NSMCE1: variants seen among roughly 807,000 people sequenced by gnomAD.
NSMCE1 encodes NSE1 component of SMC5/6 complex, also known as non-structural maintenance of chromosomes element 1 homolog.
NSMCE1 carries 18 observed loss-of-function variants against 29.6 expected under a neutral mutation model. The observed-to-expected ratio is 0.61, with a 90% confidence interval of 0.42 to 0.90. NSMCE1 has a LOEUF of 0.90. Among genes scored for constraint, NSMCE1 ranks in the 40% least tolerant of loss-of-function variants. The pLI is 0.00. For synonymous variants in NSMCE1, 124 were observed against 133.4 expected (o/e 0.93, Z 0.49); for missense variants, 314 against 343.6 (o/e 0.91, Z 0.68).
chr16:27,247,751 C>A (rs181532761), intron 2 of NSMCE1, among the ~76,000 whole-genome samples: 1 of 152,090 alleles, frequency 6.6e-6, no homozygotes, highest in East Asian at 1.9e-4. Flanking sequence ...ACAGTGAAAC[C>A]CCATCTCTAC....
chr16:27,225,986 C>T, intron 6 of NSMCE1, 140 bp from the exon 7 acceptor site: 1 of 996,502 alleles, frequency 1.0e-6, no homozygotes, highest in African/African-American at 1.6e-5. Flanking sequence ...GAAAATAATC[C>T]CAAACGCCTT....
chr16:27,246,981 T>G (rs1485183017), intron 2 of NSMCE1, among the ~76,000 whole-genome samples: 6 of 147,946 alleles, frequency 4.1e-5, no homozygotes, highest in Admixed American at 1.3e-4. Flanking sequence ...CTAGATCTAA[T>G]TAGGAGGAAG....
chr16:27,240,421 C>A (rs2083880747), intron 2 of NSMCE1, among the ~76,000 whole-genome samples: 1 of 152,156 alleles, frequency 6.6e-6, no homozygotes, highest in South Asian at 2.1e-4. Flanking sequence ...GCCCAGCATC[C>A]ATCATCCCCT....
At chr16:27,229,458 C>T (rs1054063657) in intron 5 of NSMCE1, among the ~76,000 whole-genome samples, 12 of 152,382 alleles carry the variant, frequency 7.9e-5, no homozygotes, top group African/African-American at 2.2e-4. Context: ...GGGCCCAGCA[C>T]TTGGCAGGCC....
intron 2 of NSMCE1, among the ~76,000 whole-genome samples, chr16:27,235,992 C>A (rs905732366): frequency 6.6e-6 from 1 of 152,232 alleles, no homozygotes; most frequent in African/African-American, 2.4e-5. Context: ...GAGAGGTGAA[C>A]TGACTCGCCC....
At chr16:27,231,604 TC>T (rs2083763001) in intron 5 of NSMCE1, among the ~76,000 whole-genome samples, 1 of 149,676 alleles carries the variant, frequency 6.7e-6, no homozygotes, top group South Asian at 2.1e-4. Flanking sequence ...ACCATTGCAC[TC>T]CAGCCTGGGC....
chr16:27,244,033 C>T (rs565804264), intron 2 of NSMCE1, among the ~76,000 whole-genome samples: 20 of 152,340 alleles, frequency 1.3e-4, no homozygotes, highest in South Asian at 6.2e-4. Flanking sequence ...TCACATAGGA[C>T]GCCCCACTTC....
Position 27,254,866 on chromosome 16 carries a change from CTTTTTTTTTT to C in NSMCE1, c.136+2559_136+2568del, listed in dbSNP as rs61088115. ...GGGGTAGGTTTAAAGTCCAACCATG[CTTTTTTTTTT>C]TTTTTTTTTTTTTTTTTTTTTGATA... On this transcript the variant is annotated intron_variant, in intron 2 of 7. Coordinates refer to ENST00000361439, the MANE Select transcript of NSMCE1 (RefSeq NM_145080.4). Among the ~76,000 whole-genome samples, 8 of 46,912 alleles carry C rather than the reference CTTTTTTTTTT, an allele frequency of 1.7e-4. No homozygotes were observed. In the Admixed American group the frequency reaches 2.4e-3, roughly 14 times the overall value. The allele number at this position is 46,912 out of a possible 152,430, so 30.8% of individuals were successfully genotyped here. A position where few individuals can be genotyped will look rare whatever the true frequency, so the allele number is the denominator to read the frequency against.
intron 5 of NSMCE1, among the ~76,000 whole-genome samples, chr16:27,231,923 G>A (rs943628058): frequency 2.0e-5 from 3 of 152,110 alleles, no homozygotes; most frequent in Admixed American, 6.5e-5. Flanking sequence ...CATGACATAC[G>A]GGAACGCGCC....
intron 1 of NSMCE1, among the ~76,000 whole-genome samples, chr16:27,260,410 G>A (rs1450590960): frequency 6.6e-6 from 1 of 151,862 alleles, no homozygotes; most frequent in East Asian, 1.9e-4. Flanking sequence ...GGGGAATAAT[G>A]TAATGAGAAA....
At chr16:27,246,630 C>G (rs938719795) in intron 2 of NSMCE1, among the ~76,000 whole-genome samples, 1 of 152,156 alleles carries the variant, frequency 6.6e-6, no homozygotes, top group Non-Finnish European at 1.5e-5. Flanking sequence ...CCTGTGATTA[C>G]AGGCTCATGC....
Position 27,226,926 on chromosome 16 carries a change from C to T in NSMCE1, c.484-90G>A. 7.3e-6 allele frequency: 6 copies of T among 819,784 alleles called. No individual in the cohort carries two copies. The South Asian group carries it at 9.0e-5, about 12-fold the overall frequency. 50.8% of individuals were successfully genotyped at this position (819,784 alleles called of 1,614,324 possible). A position where few individuals can be genotyped will look rare whatever the true frequency, so the allele number is the denominator to read the frequency against. ...CCCTCTGTGATCCCACAGCCCAGTGCTCAGGAAGACACAAGGGTCTACGCA... is the reference window on the plus strand; with the variant it reads ...CCCTCTGTGATCCCACAGCCCAGTGTTCAGGAAGACACAAGGGTCTACGCA... On this transcript the variant is annotated intron_variant, in intron 5 of 7. Transcript: ENST00000361439.
chr16:27,225,161 T>C lies in NSMCE1; in HGVS notation c.797A>G (p.His266Arg). Residue 266 changes from histidine (H) to arginine (R), a missense_variant, in exon 8 of 8, where the codon CAT (histidine) becomes CGT (arginine). His to Arg is a conservative substitution (Grantham distance 29, BLOSUM62 0). Coordinates refer to ENST00000361439, the MANE Select transcript of NSMCE1 (RefSeq NM_145080.4). ...SNKKSLRSRQH is the reference protein window; with the variant it reads ...SNKKSLRSRQR Reference sequence around the variant, plus strand: ...CCCCTCAGCAGGGCACGATGGCTAATGCTGCCTGGACCGCAGGGACTTTTT... The same window carrying C: ...CCCCTCAGCAGGGCACGATGGCTAACGCTGCCTGGACCGCAGGGACTTTTT... 1 of 1,595,336 alleles carries C rather than the reference T, an allele frequency of 6.3e-7. No homozygotes were observed. Among genetic ancestry groups the C allele is most frequent in the Admixed American group, 1.7e-5 (1 of 58,816 alleles).
intron 1 of NSMCE1, among the ~76,000 whole-genome samples, chr16:27,265,161 CTTTT>C (rs5816427): frequency 2.4e-5 from 2 of 82,670 alleles, no homozygotes; most frequent in Non-Finnish European, 4.4e-5. Context: ...AATTCTTTTC[CTTTT>C]TTTTTTTTTT....
At chr16:27,239,243 A>G (rs1242706234) in intron 2 of NSMCE1, among the ~76,000 whole-genome samples, 1 of 152,254 alleles carries the variant, frequency 6.6e-6, no homozygotes. Flanking sequence ...GATGTCCACT[A>G]AGCGCTAAGG....
At chr16:27,257,039 C>T (rs1375189480) in intron 2 of NSMCE1, among the ~76,000 whole-genome samples, 1 of 152,106 alleles carries the variant, frequency 6.6e-6, no homozygotes, top group East Asian at 1.9e-4. Flanking sequence ...CCATCAATAC[C>T]CCACTAGGCA....
intron 2 of NSMCE1, among the ~76,000 whole-genome samples, chr16:27,246,625 G>C (rs1221476678): frequency 6.6e-6 from 1 of 152,108 alleles, no homozygotes; most frequent in Non-Finnish European, 1.5e-5. Flanking sequence ...GAGTACCTGT[G>C]ATTACAGGCT....
At position 27,225,082 on chromosome 16, in the gene NSMCE1, G is replaced by A. The variant is rs2958; in HGVS notation, c.*75C>T. ...GTGACTCGCGTGGAACCTGAAACAC[G>A]GACGCCTTTCTTCCAAGAAGGGCTG... is the stretch of plus-strand genomic sequence containing the variant. On this transcript the variant is annotated 3_prime_UTR_variant, in exon 8 of 8. Coordinates refer to ENST00000361439, the MANE Select transcript of NSMCE1 (RefSeq NM_145080.4). 276,798 of 808,824 alleles carry A rather than the reference G, an allele frequency of 0.34. 48,852 individuals carry two copies. Among genetic ancestry groups the A allele is most frequent in the East Asian group, 0.46 (17,295 of 37,768 alleles). The allele number at this position is 808,824 out of a possible 1,614,324, so 50.1% of individuals were successfully genotyped here.
At chr16:27,237,311 G>A (rs960755846) in intron 2 of NSMCE1, among the ~76,000 whole-genome samples, 5 of 152,174 alleles carry the variant, frequency 3.3e-5, no homozygotes, top group East Asian at 1.9e-4. Context: ...CCCTGCTCAC[G>A]GGCCCCTCCT....
Sources: allele counts gnomAD v4.1 joint callset (sites outside exome capture counted in the v4.1 genomes callset), GRCh38; gene constraint gnomAD v4.1.1; transcripts MANE v1.5; gene names NCBI Gene and HGNC (gene_info 2026-07-23, HGNC 2026-07-21).